Variants in RPL34 observed in about 807,000 individuals in gnomAD.
RPL34 encodes the protein large ribosomal subunit protein eL34.
A neutral mutation model predicts 16.3 loss-of-function variants in RPL34; 2 were observed. That is an observed-to-expected ratio of 0.12 (90% confidence interval 0.05 to 0.39). The LOEUF is 0.39. Among genes scored for constraint, RPL34 ranks in the 10% least tolerant of loss-of-function variants. RPL34 has a pLI of 0.99. For synonymous variants in RPL34, 47 were observed against 48.5 expected (o/e 0.97, Z 0.13); for missense variants, 82 against 148.8 (o/e 0.55, Z 2.33).
intron 4 of RPL34, chr4:108,623,421 T>A (rs1016288280): frequency 2.0e-5 from 3 of 152,262 alleles, no homozygotes; most frequent in Admixed American, 6.5e-5. Context: ...ATTGATTGAT[T>A]GATTTTGAGA....
chr4:108,621,528 T>C, intron 1 of RPL34: 2 of 212,510 alleles, frequency 9.4e-6, no homozygotes, highest in Non-Finnish European at 1.9e-5. Context: ...AGAATTCCCA[T>C]GTTAGAGATA....
exon 6 of RPL34, chr4:108,630,402 C>T (rs1242579781): frequency 6.6e-6 from 1 of 152,082 alleles, no homozygotes; most frequent in Non-Finnish European, 1.5e-5. Flanking sequence ...CAAAATGAGC[C>T]TTTTATTGAA....
chr4:108,624,212 T>A (rs1425260395), intron 4 of RPL34, among the ~76,000 whole-genome samples: 1 of 152,236 alleles, frequency 6.6e-6, no homozygotes, highest in Admixed American at 6.5e-5. Context: ...TTAGCTGTGA[T>A]GCTGAGCAGG....
chr4:108,622,681 G>A, intron 4 of RPL34, 63 bp downstream of exon 4: 1 of 1,033,206 alleles, frequency 9.7e-7, no homozygotes, highest in Non-Finnish European at 1.5e-6. Context: ...ACTGTCTGCT[G>A]ATCAGTACAA....
chr4:108,624,845 C>T (rs1375945863), intron 4 of RPL34, among the ~76,000 whole-genome samples: 1 of 152,074 alleles, frequency 6.6e-6, no homozygotes, highest in African/African-American at 2.4e-5. Context: ...TTCCTGGATC[C>T]TAACAATAAA....
downstream of RPL34, among the ~76,000 whole-genome samples, chr4:108,627,894 C>G (rs1391980463): frequency 6.6e-6 from 1 of 152,002 alleles, no homozygotes; most frequent in East Asian, 1.9e-4. Context: ...CCACAGTACA[C>G]TTGATTGGCT....
At chr4:108,620,672 G>C (rs1182075125) in intron 1 of RPL34, 72 bp downstream of exon 1, 1 of 246,552 alleles carries the variant, frequency 4.1e-6, no homozygotes, top group East Asian at 1.1e-4. Context: ...AGCTGAGGAA[G>C]CCTAGAGCTC....
At position 108,622,180 on chromosome 4, in the gene RPL34, T is replaced by C. The variant is rs1065695; in HGVS notation, c.141T>C (p.Gly47=). Residue 47 remains glycine, a synonymous_variant, in exon 3 of 5, where the codon GGT becomes GGC. Transcript: ENST00000394667. The part of the protein sequence containing the change: ...KVGKAPKSAC[G]VCPGRLRGVR... ...GGAAAGCACCAAAATCTGCATGTGGTGTGTGCCCAGGCAGACTTCGAGGGG... is the reference window on the plus strand; with the variant it reads ...GGAAAGCACCAAAATCTGCATGTGGCGTGTGCCCAGGCAGACTTCGAGGGG... 6.2e-7 allele frequency: 1 copy of C among 1,612,220 alleles called. No homozygotes were observed. The highest frequency in any genetic ancestry group is 8.5e-7 in the Non-Finnish European group (1 of 1,179,514).
At chr4:108,626,927 C>T (rs747981412), downstream of RPL34, among the ~76,000 whole-genome samples, 1 of 152,084 alleles carries the variant, frequency 6.6e-6, no homozygotes, top group Non-Finnish European at 1.5e-5. Flanking sequence ...GGAGAGTTAC[C>T]GCTTAGCTAT....
Position 108,622,185 on chromosome 4 carries a change from G to A in RPL34, c.146G>A (p.Cys49Tyr). 6.2e-7 allele frequency: 1 copy of A among 1,610,960 alleles called. No individual in the cohort carries two copies. The highest frequency in any genetic ancestry group is 8.5e-7 in the Non-Finnish European group (1 of 1,178,900). ...GCACCAAAATCTGCATGTGGTGTGT[G>A]CCCAGGCAGACTTCGAGGGGTAAGT... ...GKAPKSACGV[C>Y]PGRLRGVRAV... Residue 49 changes from cysteine to tyrosine, a missense_variant, in exon 3 of 5, where the codon TGC (cysteine) becomes TAC (tyrosine). By Grantham distance (194) the Cys-to-Tyr change is radical. Transcript: ENST00000394667.
At chr4:108,626,447 C>CCCTT (rs1726003393), downstream of RPL34, among the ~76,000 whole-genome samples, 1 of 117,078 alleles carries the variant, frequency 8.5e-6, no homozygotes. Context: ...GGCTGACAAC[C>CCCTT]TTTTTTTTTT....
intron 3 of RPL34, 37 bp downstream of exon 3, chr4:108,622,241 C>T (rs2110363260): frequency 7.2e-7 from 1 of 1,380,532 alleles, no homozygotes. Context: ...CCTAACAAGT[C>T]TTGAACTTAC....
chr4:108,628,615 G>A (rs1578326940), downstream of RPL34, among the ~76,000 whole-genome samples: 1 of 152,168 alleles, frequency 6.6e-6, no homozygotes, highest in South Asian at 2.1e-4. Context: ...ACTGGACACA[G>A]GCTCTAGCTG....
rs558401518 is a variant in RPL34, at chr4:108,622,184, T to C, written c.145T>C (p.Cys49Arg). The C allele has an allele frequency of 6.2e-7, 1 of 1,611,608 alleles. No homozygotes were observed. The highest frequency in any genetic ancestry group is 8.5e-7 in the Non-Finnish European group (1 of 1,179,244). ...AGCACCAAAATCTGCATGTGGTGTG[T>C]GCCCAGGCAGACTTCGAGGGGTAAG... ...GKAPKSACGV[C>R]PGRLRGVRAV... Residue 49 changes from cysteine to arginine, a missense_variant, in exon 3 of 5, where the codon TGC becomes CGC. Transcript: ENST00000394667.
intron 4 of RPL34, among the ~76,000 whole-genome samples, chr4:108,623,845 C>T (rs777693589): frequency 6.6e-6 from 1 of 152,180 alleles, no homozygotes; most frequent in Admixed American, 6.5e-5. Context: ...TGATACACAG[C>T]AAAGCTTAAC....
chr4:108,623,625 G>T (rs1197664182), intron 4 of RPL34, among the ~76,000 whole-genome samples: 1 of 152,014 alleles, frequency 6.6e-6, no homozygotes, highest in Non-Finnish European at 1.5e-5. Context: ...TAGCCAGGAT[G>T]GTCTCTATCT....
At chr4:108,629,415 T>G (rs972865958), downstream of RPL34, among the ~76,000 whole-genome samples, 1 of 152,248 alleles carries the variant, frequency 6.6e-6, no homozygotes, top group Admixed American at 6.5e-5. Context: ...ATTTCACTTA[T>G]GCTGAATTGT....
At chr4:108,624,663 G>A (rs1725923950) in intron 4 of RPL34, among the ~76,000 whole-genome samples, 1 of 152,172 alleles carries the variant, frequency 6.6e-6, no homozygotes, top group Non-Finnish European at 1.5e-5. Flanking sequence ...GGAGTTGGCC[G>A]TAAACAGGTT....
At chr4:108,627,143 G>A (rs187743787), downstream of RPL34, among the ~76,000 whole-genome samples, 170 of 152,196 alleles carry the variant, frequency 1.1e-3, no homozygotes, top group Non-Finnish European at 2.1e-3. Context: ...GGAGGCTGAG[G>A]CAAGAGGATT....
Sources: allele counts gnomAD v4.1 joint callset (sites outside exome capture counted in the v4.1 genomes callset), GRCh38; gene constraint gnomAD v4.1.1; transcripts MANE v1.5; gene names NCBI Gene and HGNC (gene_info 2026-07-23, HGNC 2026-07-21).